The following AGPAT3 variants were observed in gnomAD, a reference collection of about 807,000 sequenced individuals.
The protein encoded by AGPAT3 is 1-acylglycerol-3-phosphate O-acyltransferase 3.
In AGPAT3, 5 loss-of-function variants were observed where a neutral mutation model predicts 47.3. That is an observed-to-expected ratio of 0.11 (90% CI 0.06 to 0.22). The LOEUF is 0.22. Ranked by LOEUF, AGPAT3 falls within the 10% of genes least tolerant of loss-of-function variation. The pLI, the probability that AGPAT3 is intolerant of heterozygous loss-of-function variation, is 1.00. For synonymous variants in AGPAT3, 212 were observed against 208.3 expected (o/e 1.02, Z -0.15); for missense variants, 315 against 493.0 (o/e 0.64, Z 3.42).
rs1318933548 is a variant in AGPAT3 at position 43,985,222 on chromosome 21, T to C, written c.*2830T>C. On this transcript the variant is annotated 3_prime_UTR_variant, in exon 10 of 10. Coordinates refer to ENST00000291572, the MANE Select transcript of AGPAT3 (RefSeq NM_020132.5). ...GGATGCCATTGCTGTCTTCATCGTC[T>C]TCCCCCGTGTGAGACACTGGTTGTC... 6 of 456,174 alleles carry C rather than the reference T, an allele frequency of 1.3e-5. No homozygotes were observed. The East Asian group carries it at 4.2e-4, about 32-fold the overall frequency. The allele number at this position is 456,174 out of a possible 1,614,324, so 28.3% of individuals were successfully genotyped here.
intron 2 of AGPAT3, among the ~76,000 whole-genome samples, chr21:43,938,895 G>A (rs1349815158): frequency 2.0e-5 from 3 of 152,342 alleles, no homozygotes; most frequent in Non-Finnish European, 2.9e-5. Flanking sequence ...GTGGGGGGAA[G>A]GAGGGGCTCC....
chr21:43,962,161 T>C (rs894167907), intron 3 of AGPAT3, among the ~76,000 whole-genome samples: 18 of 152,140 alleles, frequency 1.2e-4, no homozygotes, highest in East Asian at 3.9e-4. Context: ...CCACCACTCC[T>C]GGCTAATTTT....
chr21:43,892,360 G>A (rs1258511291), intron 1 of AGPAT3, among the ~76,000 whole-genome samples: 1 of 152,098 alleles, frequency 6.6e-6, no homozygotes, highest in Non-Finnish European at 1.5e-5. Context: ...GGGCTGCAGA[G>A]TGGATGTCGT....
At chr21:43,967,368 C>T (rs1256781760) in intron 3 of AGPAT3, 1 of 152,912 alleles carries the variant, frequency 6.5e-6, no homozygotes, top group Non-Finnish European at 1.5e-5. Flanking sequence ...GCCACCTGCC[C>T]AGCAGCAAGC....
rs1183025481 is a variant in AGPAT3 at position 43,939,901 on chromosome 21, C to T, written c.-48-19733C>T. Among the ~76,000 whole-genome samples the T allele has an allele frequency of 6.6e-6, 1 of 152,236 alleles. No homozygotes were observed. The highest frequency in any genetic ancestry group is 1.5e-5 in the Non-Finnish European group (1 of 68,036). ...ACAGTGAGCAGCTCCTGGCCAAAAGCTGCTTATTGGATTAGCCGGTGCCCC... is the reference window on the plus strand; with the variant it reads ...ACAGTGAGCAGCTCCTGGCCAAAAGTTGCTTATTGGATTAGCCGGTGCCCC... On this transcript the variant is annotated intron_variant, in intron 2 of 9. Transcript: ENST00000291572. The surrounding 1 kb of genome is among the most constrained non-coding windows in gnomAD (Gnocchi z 4.4).
rs77242501 is a variant in AGPAT3, at chr21:43,933,827, C to T, written c.-48-25807C>T. Among the ~76,000 whole-genome samples the T allele has an allele frequency of 0.05, 7,663 of 152,152 alleles. 269 individuals carry two copies. The highest frequency in any genetic ancestry group is 0.082 in the Non-Finnish European group (5,556 of 67,964). ...TGCAAGAGCCAGAGGACGGCACTCC[C>T]GCGCCTGCCACGAGCCTCACGTGGA... On this transcript the variant is annotated intron_variant, in intron 2 of 9. Transcript: ENST00000291572. This position sits in a 1 kb window ranked among gnomAD's most constrained non-coding sequence, Gnocchi z 6.0.
chr21:43,919,421 T>G (rs529227944), intron 2 of AGPAT3, among the ~76,000 whole-genome samples: 2 of 152,342 alleles, frequency 1.3e-5, no homozygotes, highest in African/African-American at 4.8e-5. Flanking sequence ...CTGAGTTTCT[T>G]CACTTAGAAT....
At chr21:43,883,931 T>C (rs1336968856) in intron 1 of AGPAT3, among the ~76,000 whole-genome samples, 1 of 152,170 alleles carries the variant, frequency 6.6e-6, no homozygotes, top group East Asian at 1.9e-4. Flanking sequence ...GGTTTCTCCA[T>C]GTTGGTCGGG....
intron 1 of AGPAT3, among the ~76,000 whole-genome samples, chr21:43,872,255 A>G (rs1484945376): frequency 1.3e-5 from 2 of 149,766 alleles, no homozygotes; most frequent in Non-Finnish European, 3.0e-5. Flanking sequence ...ATCTCAGTTC[A>G]CTGCAACCTC....
At chr21:43,969,556 C>A (rs955615276) in intron 5 of AGPAT3, among the ~76,000 whole-genome samples, 3 of 152,248 alleles carry the variant, frequency 2.0e-5, no homozygotes, top group African/African-American at 7.2e-5. Context: ...CCCAGTGAGC[C>A]CTGGCTCTGC....
At chr21:43,963,059 T>C (rs1569096335) in intron 3 of AGPAT3, among the ~76,000 whole-genome samples, 1 of 152,212 alleles carries the variant, frequency 6.6e-6, no homozygotes, top group Non-Finnish European at 1.5e-5. Flanking sequence ...AAACTGTAGA[T>C]ATTTTAAAGC....
intron 2 of AGPAT3, among the ~76,000 whole-genome samples, chr21:43,958,886 G>A (rs2088641296): frequency 6.9e-6 from 1 of 144,112 alleles, no homozygotes; most frequent in South Asian, 2.3e-4. Flanking sequence ...TGGTGTGTAT[G>A]GTGTGTGTGT....
In AGPAT3 at chr21:43,933,419, C is replaced by T. The variant is rs945285498; in HGVS notation, c.-48-26215C>T. On this transcript the variant is annotated intron_variant, in intron 2 of 9. Transcript: ENST00000291572. The surrounding 1 kb of genome is among the most constrained non-coding windows in gnomAD (Gnocchi z 6.0). ...CCCAGTGGTCTATGTTTGCTTTTGT[C>T]GTGTATCTTTTTTAAAGCTCTGCCA... Among the ~76,000 whole-genome samples, 2 of 152,062 alleles carry T rather than the reference C, an allele frequency of 1.3e-5. No homozygotes were observed. Among genetic ancestry groups the T allele is most frequent in the Non-Finnish European group, 2.9e-5 (2 of 68,030 alleles).
Position 43,981,064 on chromosome 21 carries a change from A to G in AGPAT3, c.919A>G (p.Thr307Ala), listed in dbSNP as rs773716397. The change falls in exon 9 of 10, where the codon ACC becomes GCC. Residue 307 changes from threonine to alanine, a missense_variant. Physicochemically the swap from Thr to Ala is moderately conservative, Grantham distance 58 (BLOSUM62 0). Transcript: ENST00000291572. The surrounding 1 kb of genome is among the most constrained non-coding windows in gnomAD (Gnocchi z 5.3). ...EQFKPARRPW[T>A]LLNFLSWATI... ...GTTTAAGCCTGCCCGGAGGCCGTGG[A>G]CCCTCCTGAACTTCCTGTCCTGGGC... 1.2e-6 allele frequency: 2 copies of G among 1,613,830 alleles called. No individual in the cohort carries two copies. Among genetic ancestry groups the G allele is most frequent in the East Asian group, 4.5e-5 (2 of 44,884 alleles).
At chr21:43,876,557 C>G (rs1035193831) in intron 1 of AGPAT3, among the ~76,000 whole-genome samples, 1 of 152,176 alleles carries the variant, frequency 6.6e-6, no homozygotes, top group African/African-American at 2.4e-5. Context: ...ACATAATTGA[C>G]TTAGATGGAA....
chr21:43,984,678 T>C lies in AGPAT3; in HGVS notation c.*2286T>C, dbSNP rs2030069232. The C allele has an allele frequency of 5.1e-5, 8 of 155,394 alleles. No individual in the cohort carries two copies. The South Asian group carries it at 1.3e-3, about 25-fold the overall frequency. The allele number at this position is 155,394 out of a possible 1,614,324, so 9.6% of individuals were successfully genotyped here. ...CAATAAAAACTACACCATGAATGTTTGAATTTTTTTTTTTTGGGGGGGGGA... is the reference window on the plus strand; with the variant it reads ...CAATAAAAACTACACCATGAATGTTCGAATTTTTTTTTTTTGGGGGGGGGA... On this transcript the variant is annotated 3_prime_UTR_variant, in exon 10 of 10. Transcript: ENST00000291572.
Position 43,954,995 on chromosome 21 carries a change from G to A in AGPAT3, c.-48-4639G>A. The stretch of plus-strand genomic sequence containing the variant: ...GACGGTTGATAAAGTGGATTCTCGA[G>A]GGGAAGCTGCATCCACACAGAGGCT... On this transcript the variant is annotated intron_variant, in intron 2 of 9. Coordinates refer to ENST00000291572, the MANE Select transcript of AGPAT3 (RefSeq NM_020132.5). The surrounding 1 kb of genome is among the most constrained non-coding windows in gnomAD (Gnocchi z 4.0). 8.9e-7 allele frequency: 1 copy of A among 1,120,858 alleles called. No individual in the cohort carries two copies. Among genetic ancestry groups the A allele is most frequent in the South Asian group, 1.7e-5 (1 of 57,332 alleles). The allele number at this position is 1,120,858 out of a possible 1,614,324, so 69.4% of individuals were successfully genotyped here. A position where few individuals can be genotyped will look rare whatever the true frequency, so the allele number is the denominator to read the frequency against.
chr21:43,969,132 C>A lies in AGPAT3; in HGVS notation c.363C>A (p.Leu121=), dbSNP rs146737372. The change falls in exon 5 of 10, where the codon CTC becomes CTA. Residue 121 remains leucine, a synonymous_variant. Transcript: ENST00000291572. The part of the protein sequence containing the change: ...RFGVLGSSKV[L]AKKELLYVPL... Reference sequence around the variant, plus strand: ...CCTCCCTCCAGAGCTCCAAGGTCCTCGCTAAGAAGGAGCTGCTCTACGTGC... The same window carrying A: ...CCTCCCTCCAGAGCTCCAAGGTCCTAGCTAAGAAGGAGCTGCTCTACGTGC... 8.0e-4 allele frequency: 1,289 copies of A among 1,614,160 alleles called. 3 individuals carry two copies. The highest frequency in any genetic ancestry group is 1.9e-3 in the South Asian group (173 of 91,084).
Position 43,920,315 on chromosome 21 carries a change from G to A in AGPAT3, c.-49+16296G>A, listed in dbSNP as rs902670876. The stretch of plus-strand genomic sequence containing the variant: ...GTGTGTGTGCGTGTGAGTGTTGAAT[G>A]TGTGTGTGAGTGTGACTCGGCTGAG... On this transcript the variant is annotated intron_variant, in intron 2 of 9. Coordinates refer to ENST00000291572, the MANE Select transcript of AGPAT3 (RefSeq NM_020132.5). The surrounding 1 kb of genome is among the most constrained non-coding windows in gnomAD (Gnocchi z 6.1). 6.6e-6 allele frequency among the ~76,000 whole-genome samples: 1 copy of A among 152,140 alleles called. No individual in the cohort carries two copies. Among genetic ancestry groups the A allele is most frequent in the South Asian group, 2.1e-4 (1 of 4,820 alleles).
Sources: gnomAD v4.1 joint callset for allele counts (sites outside exome capture counted in the v4.1 genomes callset) on GRCh38, gnomAD v4.1.1 for gene constraint, Gnocchi (gnomAD v3.1) non-coding constraint, MANE v1.5 for transcripts, NCBI Gene and HGNC (gene_info 2026-07-23, HGNC 2026-07-21) for gene names.